The following DPP6 variants were observed in gnomAD, a reference collection of about 807,000 sequenced individuals.
The protein encoded by DPP6 is dipeptidyl peptidase like 6.
A neutral mutation model predicts 122.6 loss-of-function variants in DPP6; 69 were observed. The ratio of observed to expected loss-of-function variants is 0.56; its 90% confidence interval spans 0.46 to 0.69. DPP6 has a LOEUF of 0.69. Ranked by LOEUF, DPP6 falls within the 30% of genes least tolerant of loss-of-function variation. The pLI, the probability that DPP6 is intolerant of heterozygous loss-of-function variation, is 0.00. For synonymous variants in DPP6, 418 were observed against 433.1 expected (o/e 0.97, Z 0.43); for missense variants, 928 against 1,116.9 (o/e 0.83, Z 2.41).
chr7:154,084,989 C>CAAAAAAA (rs370222780), intron 1 of DPP6, among the ~76,000 whole-genome samples: 16 of 78,392 alleles, frequency 2.0e-4, no homozygotes, highest in South Asian at 6.0e-4. Context: ...GACTCCGTCT[C>CAAAAAAA]AAAAAAAAAA....
intron 4 of DPP6, among the ~76,000 whole-genome samples, chr7:154,551,503 T>A (rs2130378331): frequency 6.6e-6 from 1 of 152,326 alleles, no homozygotes; most frequent in Non-Finnish European, 1.5e-5. Flanking sequence ...GCATTTCATT[T>A]TAATACGAGT....
At chr7:154,513,466 GACTA>G (rs1315906554) in intron 3 of DPP6, among the ~76,000 whole-genome samples, 1 of 152,154 alleles carries the variant, frequency 6.6e-6, no homozygotes, top group Non-Finnish European at 1.5e-5. Context: ...CAAATGTTGA[GACTA>G]ACAAGAAGAT....
chr7:154,118,689 G>T (rs374983126), intron 1 of DPP6, among the ~76,000 whole-genome samples: 1 of 146,624 alleles, frequency 6.8e-6, no homozygotes, highest in Admixed American at 6.8e-5. Flanking sequence ...TGTACATCAC[G>T]TATGGGATAT....
chr7:154,563,390 G>A (rs987373956), intron 4 of DPP6, among the ~76,000 whole-genome samples: 2 of 152,200 alleles, frequency 1.3e-5, no homozygotes, highest in African/African-American at 4.8e-5. Context: ...TTTTCCCACA[G>A]GTGAGATGGG....
rs1563080196 is a variant in DPP6, at chr7:154,666,198, TATAC to T, written c.681-3160_681-3157del. ...ATATATGTGTGTATATATATATATA[TATAC>T]ACATATACATACATACATACATACA... is the stretch of plus-strand genomic sequence containing the variant. On this transcript the variant is annotated intron_variant, in intron 6 of 25. Coordinates refer to ENST00000377770, the MANE Select transcript of DPP6 (RefSeq NM_130797.4). 8.4e-3 allele frequency among the ~76,000 whole-genome samples: 1,112 copies of T among 131,768 alleles called. 16 individuals carry two copies. Among genetic ancestry groups the T allele is most frequent in the Middle Eastern group, 0.032 (8 of 250 alleles). 86.4% of individuals were successfully genotyped at this position (131,768 alleles called of 152,430 possible). A position where few individuals can be genotyped will look rare whatever the true frequency, so the allele number is the denominator to read the frequency against.
chr7:154,020,547 A>G (rs1193935667), intron 1 of DPP6, among the ~76,000 whole-genome samples: 2 of 152,174 alleles, frequency 1.3e-5, no homozygotes, highest in Non-Finnish European at 2.9e-5. Context: ...TCTCCTACTT[A>G]GCTGTCATTC....
chr7:154,241,173 T>C lies in DPP6; in HGVS notation c.243+188110T>C, dbSNP rs1281225541. On this transcript the variant is annotated intron_variant, in intron 1 of 25. Coordinates refer to ENST00000377770, the MANE Select transcript of DPP6 (RefSeq NM_130797.4). The surrounding 1 kb of genome is among the most constrained non-coding windows in gnomAD (Gnocchi z 9.0). Reference sequence around the variant, plus strand: ...AAACATATTGCTGCACAGTAGGTAATTCAATATCAATATGTGTGTGTGTGT... The same window carrying C: ...AAACATATTGCTGCACAGTAGGTAACTCAATATCAATATGTGTGTGTGTGT... Among the ~76,000 whole-genome samples the C allele has an allele frequency of 1.4e-4, 14 of 98,310 alleles. No individual in the cohort carries two copies. In the Admixed American group the frequency reaches 1.7e-3, roughly 12 times the overall value. The allele number at this position is 98,310 out of a possible 152,430, so 64.5% of individuals were successfully genotyped here.
At chr7:153,919,515 GA>G (rs752867040) in intron 1 of DPP6, among the ~76,000 whole-genome samples, 8 of 150,024 alleles carry the variant, frequency 5.3e-5, no homozygotes, top group South Asian at 4.2e-4. Context: ...CTACTTTGAT[GA>G]AAAAAAATGT....
At position 154,483,283 on chromosome 7, in the gene DPP6, C is replaced by T. The variant is rs1011862039; in HGVS notation, c.457+8246C>T. On this transcript the variant is annotated intron_variant, in intron 3 of 25. Coordinates refer to ENST00000377770, the MANE Select transcript of DPP6 (RefSeq NM_130797.4). This position sits in a 1 kb window ranked among gnomAD's most constrained non-coding sequence, Gnocchi z 8.1. ...ACGGTGGCCACGCACCTCTTCCTGG[C>T]TCACAGCCCCAGGGACGTGTTTGTG... Among the ~76,000 whole-genome samples, 1 of 152,126 alleles carries T rather than the reference C, an allele frequency of 6.6e-6. No individual in the cohort carries two copies. The highest frequency in any genetic ancestry group is 2.4e-5 in the African/African-American group (1 of 41,432).
intron 3 of DPP6, among the ~76,000 whole-genome samples, chr7:154,511,413 C>T (rs1826083751): frequency 6.6e-6 from 1 of 152,112 alleles, no homozygotes; most frequent in Admixed American, 6.5e-5. Flanking sequence ...TGAAAGCCCA[C>T]GCCATGTGTT....
At chr7:154,074,815 A>G (rs1437724157) in intron 1 of DPP6, among the ~76,000 whole-genome samples, 1 of 151,796 alleles carries the variant, frequency 6.6e-6, no homozygotes, top group African/African-American at 2.4e-5. Flanking sequence ...TATGCCTTTC[A>G]TAAGCAAGTC....
chr7:154,568,160 T>G (rs1830882091), intron 5 of DPP6, among the ~76,000 whole-genome samples: 1 of 152,240 alleles, frequency 6.6e-6, no homozygotes, highest in African/African-American at 2.4e-5. Flanking sequence ...ACTTGCCTCT[T>G]TCAGCCTCAG....
chr7:154,226,427 A>T lies in DPP6; in HGVS notation c.243+173364A>T, dbSNP rs982450186. On this transcript the variant is annotated intron_variant, in intron 1 of 25. Coordinates refer to ENST00000377770, the MANE Select transcript of DPP6 (RefSeq NM_130797.4). ...AGGAAGGAACCCTTCAGCTCACAGA[A>T]TGTGAAAGGCATCAGTAAATAGGGG... Among the ~76,000 whole-genome samples the T allele has an allele frequency of 3.9e-5, 6 of 152,354 alleles. No homozygotes were observed. In the East Asian group the frequency reaches 1.2e-3, roughly 29 times the overall value.
At chr7:154,516,727 A>G (rs1586515022) in intron 3 of DPP6, among the ~76,000 whole-genome samples, 1 of 152,248 alleles carries the variant, frequency 6.6e-6, no homozygotes, top group East Asian at 1.9e-4. Context: ...TGGTTCAATT[A>G]CGTGGAATAG....
At chr7:154,091,482 A>C (rs985550415) in intron 1 of DPP6, among the ~76,000 whole-genome samples, 2 of 152,146 alleles carry the variant, frequency 1.3e-5, no homozygotes, top group Non-Finnish European at 2.9e-5. Context: ...CCCTCCTTGT[A>C]GGAAGAAAAT....
At position 154,755,109 on chromosome 7, in the gene DPP6, G is replaced by A. The variant is rs558669431; in HGVS notation, c.884-14308G>A. Among the ~76,000 whole-genome samples, 53 of 148,282 alleles carry A rather than the reference G, an allele frequency of 3.6e-4. No individual in the cohort carries two copies. Among genetic ancestry groups the A allele is most frequent in the Admixed American group, 1.4e-3 (20 of 14,806 alleles). On this transcript the variant is annotated intron_variant, in intron 8 of 25. Transcript: ENST00000377770. The surrounding 1 kb of genome is among the most constrained non-coding windows in gnomAD (Gnocchi z 4.7). ...GTATACCTATGTAACAAACCTGCAC[G>A]TTCTGCACATGTATCCCAGAACTTA...
intron 5 of DPP6, among the ~76,000 whole-genome samples, chr7:154,605,228 T>C (rs1431235051): frequency 8.3e-6 from 1 of 120,186 alleles, no homozygotes; most frequent in African/African-American, 2.6e-5. Flanking sequence ...CTTGATTATA[T>C]TCCTAAAATA....
intron 1 of DPP6, among the ~76,000 whole-genome samples, chr7:154,310,618 T>C (rs1806783021): frequency 6.6e-6 from 1 of 152,208 alleles, no homozygotes; most frequent in Admixed American, 6.5e-5. Flanking sequence ...TCATTCTCAA[T>C]ACTGTGGTTA....
At chr7:153,892,568 C>T (rs1332073483) in intron 1 of DPP6, among the ~76,000 whole-genome samples, 4 of 152,068 alleles carry the variant, frequency 2.6e-5, no homozygotes, top group African/African-American at 9.7e-5. Context: ...CCCGTCTCGG[C>T]CCCCCAAAGT....
Sources: gnomAD v4.1 joint callset for allele counts (sites outside exome capture counted in the v4.1 genomes callset) on GRCh38, gnomAD v4.1.1 for gene constraint, Gnocchi (gnomAD v3.1) non-coding constraint, MANE v1.5 for transcripts, NCBI Gene and HGNC (gene_info 2026-07-23, HGNC 2026-07-21) for gene names.